CHIC2: variants seen among roughly 807,000 people sequenced by gnomAD.
CHIC2 encodes cysteine rich hydrophobic domain 2, also known as cysteine-rich hydrophobic domain-containing protein 2.
Under a neutral mutation model 25.9 loss-of-function variants are expected in CHIC2, and 14 were observed. The observed-to-expected ratio is 0.54, with a 90% CI of 0.36 to 0.85. The LOEUF is 0.85. Among genes scored for constraint, CHIC2 ranks in the 40% least tolerant of loss-of-function variants. The pLI is 0.01. For missense variants in CHIC2, 146 were observed against 202.0 expected, an observed-to-expected ratio of 0.72 and a Z score of 1.68; for synonymous variants, 70 against 72.0, an observed-to-expected ratio of 0.97 and a Z score of 0.14.
the CHIC2 span, among the ~76,000 whole-genome samples, chr4:54,086,510 C>T: frequency 2.6e-5 from 4 of 152,124 alleles, no homozygotes; most frequent in African/African-American, 9.7e-5. Context: ...AAATATCCTG[C>T]AGGAGCTTCC....
At chr4:54,086,543 G>A in the CHIC2 span, among the ~76,000 whole-genome samples, 2 of 152,048 alleles carry the variant, frequency 1.3e-5, no homozygotes, top group African/African-American at 2.4e-5. Context: ...AGATTCAGAC[G>A]ATAAACATAA....
Position 54,034,521 on chromosome 4 carries a change from T to C in CHIC2, c.330+14434A>G, listed in dbSNP as rs187756773. On this transcript the variant is annotated intron_variant, in intron 3 of 5. Transcript: ENST00000263921. ...TGTAGATTTTAGTGTGTCTTATATATGTTTTTTTCAGCTTTCTCTGTAAGT... is the reference window on the plus strand; with the variant it reads ...TGTAGATTTTAGTGTGTCTTATATACGTTTTTTTCAGCTTTCTCTGTAAGT... 2.4e-3 allele frequency among the ~76,000 whole-genome samples: 366 copies of C among 152,358 alleles called. 1 individual carries two copies. Among genetic ancestry groups the C allele is most frequent in the Non-Finnish European group, 3.5e-3 (240 of 68,030 alleles).
chr4:54,034,973 T>C (rs1007562371), intron 3 of CHIC2, among the ~76,000 whole-genome samples: 2 of 152,224 alleles, frequency 1.3e-5, no homozygotes, highest in African/African-American at 4.8e-5. Flanking sequence ...ATGCTTTTTC[T>C]GCCACTTTAG....
At chr4:54,084,965 A>AG in the CHIC2 span, among the ~76,000 whole-genome samples, 4 of 150,372 alleles carry the variant, frequency 2.7e-5, no homozygotes, top group Non-Finnish European at 4.4e-5. Context: ...GTCTCAAAAA[A>AG]AAAAAAAAAA....
chr4:54,073,130 A>G, the CHIC2 span, among the ~76,000 whole-genome samples: 2 of 151,906 alleles, frequency 1.3e-5, no homozygotes, highest in Non-Finnish European at 1.5e-5. Context: ...ATGCCCATTT[A>G]CTTCAACCAT....
At position 54,046,337 on chromosome 4, in the gene CHIC2, C is replaced by T. The variant is rs1315667311; in HGVS notation, c.330+2618G>A. On this transcript the variant is annotated intron_variant, in intron 3 of 5. Coordinates refer to ENST00000263921, the MANE Select transcript of CHIC2 (RefSeq NM_012110.4). ...TATGGAACCAAAAAAGAGCCCGCAT[C>T]GCCAAGTCAATCCTAAGCCAAAAGA... 2.6e-5 allele frequency among the ~76,000 whole-genome samples: 4 copies of T among 152,120 alleles called. No homozygotes were observed. The South Asian group carries it at 6.2e-4, about 24-fold the overall frequency.
At chr4:54,091,019 A>G in the CHIC2 span, among the ~76,000 whole-genome samples, 1 of 151,986 alleles carries the variant, frequency 6.6e-6, no homozygotes, top group East Asian at 1.9e-4. Context: ...CCCAAGCCCA[A>G]GTAGAGCCTG....
At chr4:54,018,774 A>T (rs569711843) in intron 3 of CHIC2, among the ~76,000 whole-genome samples, 25 of 152,222 alleles carry the variant, frequency 1.6e-4, no homozygotes, top group Non-Finnish European at 2.9e-4. Flanking sequence ...ACTAATAACT[A>T]TTTATAAAAG....
At chr4:54,011,969 T>C (rs1468650898) in intron 5 of CHIC2, among the ~76,000 whole-genome samples, 1 of 152,042 alleles carries the variant, frequency 6.6e-6, no homozygotes, top group African/African-American at 2.4e-5. Context: ...CCAAATTCAT[T>C]AGATAAAATG....
chr4:54,066,102 C>T (rs1407123441), upstream of CHIC2, among the ~76,000 whole-genome samples: 1 of 152,196 alleles, frequency 6.6e-6, no homozygotes, highest in Non-Finnish European at 1.5e-5. Flanking sequence ...GAGGAGGACA[C>T]AGGAAGTGTC....
chr4:54,042,291 A>C (rs1716602000), intron 3 of CHIC2, among the ~76,000 whole-genome samples: 1 of 152,220 alleles, frequency 6.6e-6, no homozygotes, highest in Non-Finnish European at 1.5e-5. Context: ...AAGACTGAAC[A>C]CTACAATGCT....
the CHIC2 span, chr4:54,087,190 T>C: frequency 2.9e-6 from 2 of 698,656 alleles, no homozygotes; most frequent in Non-Finnish European, 5.2e-6. Context: ...ATGGGGGCAG[T>C]ACCAGCAAAG....
intron 3 of CHIC2, among the ~76,000 whole-genome samples, chr4:54,024,819 T>G (rs992199645): frequency 6.6e-6 from 1 of 152,156 alleles, no homozygotes; most frequent in Non-Finnish European, 1.5e-5. Context: ...ATTCAGACCT[T>G]CTAACTTCTG....
chr4:54,032,327 A>C (rs1021097102), intron 3 of CHIC2, among the ~76,000 whole-genome samples: 2 of 126,300 alleles, frequency 1.6e-5, no homozygotes, highest in Non-Finnish European at 3.1e-5. Flanking sequence ...CCGAAGCTGG[A>C]CTGTACTGCT....
At chr4:54,054,872 G>A (rs1288065323) in intron 1 of CHIC2, among the ~76,000 whole-genome samples, 1 of 152,136 alleles carries the variant, frequency 6.6e-6, no homozygotes, top group Admixed American at 6.5e-5. Context: ...TAAAGCCATC[G>A]ATAATTAGAA....
chr4:54,046,927 T>C (rs1716844444), intron 3 of CHIC2, among the ~76,000 whole-genome samples: 1 of 152,168 alleles, frequency 6.6e-6, no homozygotes, highest in African/African-American at 2.4e-5. Flanking sequence ...ATCCAGAATC[T>C]ACAATGAACT....
intron 3 of CHIC2, among the ~76,000 whole-genome samples, chr4:54,031,809 G>A (rs576115677): frequency 1.1e-4 from 16 of 151,778 alleles, no homozygotes; most frequent in Non-Finnish European, 1.9e-4. Flanking sequence ...TAGTAGAGAC[G>A]GGGTTTCACC....
At chr4:54,059,522 C>G (rs1419721073) in intron 1 of CHIC2, 1 of 145,978 alleles carries the variant, frequency 6.9e-6, no homozygotes, top group East Asian at 2.0e-4. Context: ...GCTTAGGTGA[C>G]AGGGAAAGAT....
At chr4:54,050,804 G>A (rs1425342441) in intron 1 of CHIC2, among the ~76,000 whole-genome samples, 1 of 152,052 alleles carries the variant, frequency 6.6e-6, no homozygotes, top group Admixed American at 6.5e-5. Context: ...ACTCTGTGAT[G>A]TCTGCACAAT....
Sources: gnomAD v4.1 joint callset for allele counts (sites outside exome capture counted in the v4.1 genomes callset) on GRCh38, gnomAD v4.1.1 for gene constraint, MANE v1.5 for transcripts, NCBI Gene and HGNC (gene_info 2026-07-23, HGNC 2026-07-21) for gene names.